The following TSSC4 variants were observed in gnomAD, a reference collection of about 807,000 sequenced individuals.
TSSC4 encodes the protein U5 small nuclear ribonucleoprotein TSSC4.
For synonymous variants in TSSC4, 259 were observed against 197.9 expected (o/e 1.31, Z -2.59); for missense variants, 500 against 443.9 (o/e 1.13, Z -1.14).
Position 2,403,040 on chromosome 11 carries a change from G to T in TSSC4, c.407G>T (p.Gly136Val). Residue 136 changes from glycine (G) to valine (V), a missense_variant, in exon 3 of 3, where the codon GGC becomes GTC. Physicochemically the swap from Gly to Val is moderately radical, Grantham distance 109. Coordinates refer to ENST00000333256, the MANE Select transcript of TSSC4 (RefSeq NM_005706.4). ...LAPSGRSPVEGLGRAHRSPAS... is the reference protein window; with the variant it reads ...LAPSGRSPVEVLGRAHRSPAS... ...CCCTCAGGCCGGTCTCCAGTGGAAG[G>T]CCTGGGCAGGGCCCATCGGAGCCCT... 3 of 1,609,044 alleles carry T rather than the reference G, an allele frequency of 1.9e-6. No individual in the cohort carries two copies. The highest frequency in any genetic ancestry group is 2.5e-6 in the Non-Finnish European group (3 of 1,178,398).
chr11:2,403,679 G>A lies in TSSC4; in HGVS notation c.*56G>A. 2 of 1,448,448 alleles carry A rather than the reference G, an allele frequency of 1.4e-6. No homozygotes were observed. The highest frequency in any genetic ancestry group is 1.4e-5 in the African/African-American group (1 of 69,264). 89.7% of individuals were successfully genotyped at this position (1,448,448 alleles called of 1,614,324 possible). A position where few individuals can be genotyped will look rare whatever the true frequency, so the allele number is the denominator to read the frequency against. ...CCACTGCCATCCTGCTGCCTTCCCA[G>A]TGGGGCTGGTCAGGGGGCAGCCTGG... On this transcript the variant is annotated 3_prime_UTR_variant, in exon 3 of 3. Transcript: ENST00000333256.
rs367978913 is a variant in TSSC4, at chr11:2,402,908, G to A, written c.275G>A (p.Arg92His). The A allele has an allele frequency of 1.6e-5, 25 of 1,612,038 alleles. No individual in the cohort carries two copies. Among genetic ancestry groups the A allele is most frequent in the East Asian group, 1.3e-4 (6 of 44,888 alleles). The stretch of plus-strand genomic sequence containing the variant: ...GGCATGAGCTCCACCTTCTCCCAGC[G>A]CAGCCGTGACATCTTTGACTGCCTG... ...LRGMSSTFSQ[R>H]SRDIFDCLEG... The change falls in exon 3 of 3, where the codon CGC (arginine) becomes CAC (histidine). Residue 92 changes from arginine to histidine, a missense_variant. Arg to His is a conservative substitution (Grantham distance 29). Coordinates refer to ENST00000333256, the MANE Select transcript of TSSC4 (RefSeq NM_005706.4).
rs1238819195 is a variant in TSSC4 at position 2,403,102 on chromosome 11, G to T, written c.469G>T (p.Ala157Ser). ...GGTGCCTCCGGTCCCCGACTACGTG[G>T]CACACCCCGAGCGCTGGACCAAGTA... Reference protein sequence around the residue: ...PRVPPVPDYVAHPERWTKYSL... With the variant: ...PRVPPVPDYVSHPERWTKYSL... The change falls in exon 3 of 3, where the codon GCA (alanine) becomes TCA (serine). Residue 157 changes from alanine (A) to serine (S), a missense_variant. Coordinates refer to ENST00000333256, the MANE Select transcript of TSSC4 (RefSeq NM_005706.4). 2.5e-6 allele frequency: 4 copies of T among 1,612,190 alleles called. No homozygotes were observed. The highest frequency in any genetic ancestry group is 3.4e-6 in the Non-Finnish European group (4 of 1,179,824).
intron 1 of TSSC4, chr11:2,401,953 C>T (rs1039681645): frequency 6.6e-6 from 1 of 152,150 alleles, no homozygotes; most frequent in African/African-American, 2.4e-5. Flanking sequence ...CAAATAGGAG[C>T]AAATCTTTTC....
At position 2,403,155 on chromosome 11, in the gene TSSC4, CGAGCA is replaced by C. The variant is rs976749837; in HGVS notation, c.528_532del (p.Asn178GlyfsTer17). ...GCCTGGAAGATGTGACCGAGGTCAG[CGAGCA>C]GAGCAATCAGGCCACCGCCCTGGCC... On this transcript the variant is annotated frameshift_variant, in exon 3 of 3. Coordinates refer to ENST00000333256, the MANE Select transcript of TSSC4 (RefSeq NM_005706.4). LOFTEE classifies it low-confidence loss of function (END_TRUNC). 7 of 1,611,860 alleles carry C rather than the reference CGAGCA, an allele frequency of 4.3e-6. No individual in the cohort carries two copies. The highest frequency in any genetic ancestry group is 1.3e-5 in the African/African-American group (1 of 74,930).
In TSSC4 at chr11:2,402,670, G is replaced by A. The variant is rs540446200; in HGVS notation, c.37G>A (p.Val13Met). Residue 13 changes from valine (V) to methionine (M), a missense_variant, in exon 3 of 3, where the codon GTG (valine) becomes ATG (methionine). Coordinates refer to ENST00000333256, the MANE Select transcript of TSSC4 (RefSeq NM_005706.4). ...AGGAACAGGTGAGCCGTCCCCCAGC[G>A]TGGAGGGCGAACACGGGACGGAGTA... ...EAGTGEPSPSVEGEHGTEYDT... is the reference protein window; with the variant it reads ...EAGTGEPSPSMEGEHGTEYDT... 1.9e-5 allele frequency: 30 copies of A among 1,593,880 alleles called. No homozygotes were observed. Among genetic ancestry groups the A allele is most frequent in the African/African-American group, 1.3e-4 (10 of 74,796 alleles).
Position 2,403,287 on chromosome 11 carries a change from A to G in TSSC4, c.654A>G (p.Pro218=). The change falls in exon 3 of 3, where the codon CCA becomes CCG. Residue 218 remains proline, a synonymous_variant. Coordinates refer to ENST00000333256, the MANE Select transcript of TSSC4 (RefSeq NM_005706.4). ...CGEGRVIFTK[P]VRGVEARHER... is the part of the protein sequence containing the mutation. ...AGGGGAGGGTCATCTTCACCAAACCAGTCCGAGGGGTCGAAGCCAGACACG... is the reference window on the plus strand; with the variant it reads ...AGGGGAGGGTCATCTTCACCAAACCGGTCCGAGGGGTCGAAGCCAGACACG... 1.9e-6 allele frequency: 3 copies of G among 1,612,216 alleles called. No homozygotes were observed. The highest frequency in any genetic ancestry group is 2.5e-6 in the Non-Finnish European group (3 of 1,179,396).
At chr11:2,402,526 T>C in intron 2 of TSSC4, 76 bp downstream of exon 2, 1 of 1,244,756 alleles carries the variant, frequency 8.0e-7, no homozygotes, top group African/African-American at 1.5e-5. Flanking sequence ...CCTCCACTTG[T>C]CCAGGGGCAG....
intron 1 of TSSC4, 42 bp from the exon 2 acceptor site, chr11:2,402,252 C>T (rs551975121): frequency 4.7e-5 from 11 of 235,722 alleles, no homozygotes; most frequent in Admixed American, 2.0e-4. Flanking sequence ...ATGTACACTC[C>T]GGTCTGAGGT....
Position 2,403,559 on chromosome 11 carries a change from A to C in TSSC4, c.926A>C (p.Lys309Thr), listed in dbSNP as rs1387257112. ...VETVGFHGSR[K>T]RSRDHFRNKS... The stretch of plus-strand genomic sequence containing the variant: ...ACTGTTGGCTTCCATGGCAGCAGGA[A>C]GCGGAGTCGAGACCACTTCCGGAAC... The change falls in exon 3 of 3, where the codon AAG becomes ACG. Residue 309 changes from lysine to threonine, a missense_variant. Lys to Thr is a moderately conservative substitution (Grantham distance 78). Transcript: ENST00000333256. 4 of 1,571,172 alleles carry C rather than the reference A, an allele frequency of 2.5e-6. No individual in the cohort carries two copies. Among genetic ancestry groups the C allele is most frequent in the Non-Finnish European group, 3.4e-6 (4 of 1,161,066 alleles).
chr11:2,402,164 C>G (rs1252534160), intron 1 of TSSC4, 130 bp from the exon 2 acceptor site: 1 of 158,236 alleles, frequency 6.3e-6, no homozygotes, highest in South Asian at 1.9e-4. Flanking sequence ...AGTCAAAAGT[C>G]CCTACCCTGG....
intron 1 of TSSC4, chr11:2,401,429 C>G (rs1850141636): frequency 6.6e-6 from 1 of 152,358 alleles, no homozygotes; most frequent in Admixed American, 6.5e-5. Context: ...TGCTGCGTAT[C>G]CCCTTTCACT....
At position 2,403,874 on chromosome 11, in the gene TSSC4, T is replaced by C. The variant is rs902228805; in HGVS notation, c.*251T>C. The C allele has an allele frequency of 7.7e-6, 3 of 391,266 alleles. No individual in the cohort carries two copies. Among genetic ancestry groups the C allele is most frequent in the Non-Finnish European group, 1.4e-5 (3 of 212,656 alleles). 24.2% of individuals were successfully genotyped at this position (391,266 alleles called of 1,614,324 possible). On this transcript the variant is annotated 3_prime_UTR_variant, in exon 3 of 3. Coordinates refer to ENST00000333256, the MANE Select transcript of TSSC4 (RefSeq NM_005706.4). ...GGACAATAAAGGTTTTGGGTCTTTCTGAGACTTTGTGTCTATCTGGGCCCT... is the reference window on the plus strand; with the variant it reads ...GGACAATAAAGGTTTTGGGTCTTTCCGAGACTTTGTGTCTATCTGGGCCCT...
Position 2,402,424 on chromosome 11 carries a change from A to G in TSSC4, c.-50A>G, listed in dbSNP as rs1850175262. 3.4e-6 allele frequency: 2 copies of G among 594,070 alleles called. No homozygotes were observed. Among genetic ancestry groups the G allele is most frequent in the Non-Finnish European group, 2.9e-6 (1 of 341,086 alleles). The allele number at this position is 594,070 out of a possible 1,614,324, so 36.8% of individuals were successfully genotyped here. The stretch of plus-strand genomic sequence containing the variant: ...GCTGTCCAATCACACTCCAGTGTCA[A>G]CCACTGGCACCCAGCAGCCAAGAGA... On this transcript the variant is annotated 5_prime_UTR_variant, in exon 2 of 3. Coordinates refer to ENST00000333256, the MANE Select transcript of TSSC4 (RefSeq NM_005706.4).
Position 2,403,489 on chromosome 11 carries a change from G to C in TSSC4, c.856G>C (p.Gly286Arg). The C allele has an allele frequency of 6.2e-7, 1 of 1,602,148 alleles. No homozygotes were observed. Among genetic ancestry groups the C allele is most frequent in the Non-Finnish European group, 8.5e-7 (1 of 1,173,874 alleles). The stretch of plus-strand genomic sequence containing the variant: ...CCTGCAGGAGGTGGAGGCACTGTCA[G>C]GGTCTGTCCACAGTGGGTCTGTGCC... ...GGLQEVEALS[G>R]SVHSGSVPGL... The change falls in exon 3 of 3, where the codon GGG becomes CGG. Residue 286 changes from glycine to arginine, a missense_variant. Transcript: ENST00000333256.
Position 2,402,288 on chromosome 11 carries a change from C to G in TSSC4, c.-180-6C>G. On this transcript the variant is annotated splice_region_variant and splice_polypyrimidine_tract_variant and intron_variant, in intron 1 of 2. Transcript: ENST00000333256. Reference sequence around the variant, plus strand: ...TGGTCCTCTCCCCCACCCCACCCACCTGCAGTTGAGCAGCTGAACAGAGGC... The same window carrying G: ...TGGTCCTCTCCCCCACCCCACCCACGTGCAGTTGAGCAGCTGAACAGAGGC... 1 of 294,274 alleles carries G rather than the reference C, an allele frequency of 3.4e-6. No homozygotes were observed. Among genetic ancestry groups the G allele is most frequent in the African/African-American group, 2.2e-5 (1 of 46,052 alleles). The allele number at this position is 294,274 out of a possible 1,614,324, so 18.2% of individuals were successfully genotyped here.
Position 2,403,572 on chromosome 11 carries a change from C to T in TSSC4, c.939C>T (p.Asp313=). ...ATGGCAGCAGGAAGCGGAGTCGAGA[C>T]CACTTCCGGAACAAGAGCAGCAGCC... ...GFHGSRKRSR[D]HFRNKSSSPE... The change falls in exon 3 of 3, where the codon GAC becomes GAT. Residue 313 remains aspartate, a synonymous_variant. Coordinates refer to ENST00000333256, the MANE Select transcript of TSSC4 (RefSeq NM_005706.4). The T allele has an allele frequency of 6.4e-7, 1 of 1,560,506 alleles. No homozygotes were observed. Among genetic ancestry groups the T allele is most frequent in the Middle Eastern group, 1.7e-4 (1 of 5,748 alleles).
At chr11:2,402,506 G>A in intron 2 of TSSC4, 56 bp downstream of exon 2, 1 of 1,065,166 alleles carries the variant, frequency 9.4e-7, no homozygotes, top group Non-Finnish European at 1.3e-6. Flanking sequence ...GGACAGTTCT[G>A]TCAGTTGACC....
rs1032259685 is a variant in TSSC4, at chr11:2,403,523, C to G, written c.890C>G (p.Pro297Arg). ...CACAGTGGGTCTGTGCCAGGTCTCC[C>G]GCCGGTGGAAACTGTTGGCTTCCAT... ...SVHSGSVPGL[P>R]PVETVGFHGS... The change falls in exon 3 of 3, where the codon CCG becomes CGG. Residue 297 changes from proline to arginine, a missense_variant. Transcript: ENST00000333256. The G allele has an allele frequency of 1.3e-6, 2 of 1,596,788 alleles. No individual in the cohort carries two copies. The highest frequency in any genetic ancestry group is 1.7e-6 in the Non-Finnish European group (2 of 1,172,234).
Sources: allele counts gnomAD v4.1 joint callset, GRCh38; gene constraint gnomAD v4.1.1; transcripts MANE v1.5; gene names NCBI Gene and HGNC (gene_info 2026-07-23, HGNC 2026-07-21).